The following SGCZ variants were observed in gnomAD, a reference collection of about 807,000 sequenced individuals.
SGCZ encodes the protein sarcoglycan zeta.
In SGCZ, 40 loss-of-function variants were observed where a neutral mutation model predicts 41.3. That is an observed-to-expected ratio of 0.97 (90% CI 0.75 to 1.26). SGCZ has a LOEUF of 1.26. Ranked by LOEUF, SGCZ falls within the 50% of genes most tolerant of loss-of-function variation. The pLI is 0.00. For synonymous variants in SGCZ, 206 were observed against 137.5 expected (o/e 1.50, Z -3.49); for missense variants, 552 against 369.8 (o/e 1.49, Z -4.04).
intron 1 of SGCZ, among the ~76,000 whole-genome samples, chr8:15,039,960 T>C (rs1325541675): frequency 2.6e-5 from 4 of 152,194 alleles, no homozygotes; most frequent in Non-Finnish European, 5.9e-5. Flanking sequence ...GAATTTATTA[T>C]AACTTATGCT....
intron 2 of SGCZ, among the ~76,000 whole-genome samples, chr8:14,513,000 G>A (rs912411550): frequency 2.6e-5 from 4 of 152,068 alleles, no homozygotes; most frequent in African/African-American, 4.8e-5. Flanking sequence ...GGATATATGC[G>A]GGAAAGCTGA....
chr8:14,867,863 T>A (rs925736577), intron 1 of SGCZ, among the ~76,000 whole-genome samples: 3 of 149,132 alleles, frequency 2.0e-5, no homozygotes, highest in Middle Eastern at 7.0e-3. Context: ...CAAACCCCCA[T>A]GACACAGGTT....
intron 1 of SGCZ, among the ~76,000 whole-genome samples, chr8:14,807,390 C>T (rs138769756): frequency 0.67 from 102,425 of 151,856 alleles, 36,053 homozygotes; most frequent in African/African-American, 0.88. Flanking sequence ...AGTCTCAGGA[C>T]ACAAAATCAA....
At chr8:14,538,565 T>C (rs1274096084) in intron 2 of SGCZ, among the ~76,000 whole-genome samples, 1 of 152,030 alleles carries the variant, frequency 6.6e-6, no homozygotes, top group Non-Finnish European at 1.5e-5. Flanking sequence ...ATAGCTGATA[T>C]ACTTTCTATG....
At chr8:14,102,560 A>T (rs930197729) in intron 6 of SGCZ, 61 bp from the exon 7 acceptor site, 2 of 1,275,284 alleles carry the variant, frequency 1.6e-6, no homozygotes, top group African/African-American at 3.1e-5. Context: ...CATTAATAGA[A>T]AAAAGAAAAT....
At chr8:14,218,655 C>G (rs908608500) in intron 4 of SGCZ, among the ~76,000 whole-genome samples, 3 of 152,164 alleles carry the variant, frequency 2.0e-5, no homozygotes, top group African/African-American at 7.2e-5. Context: ...TGACTTGTTA[C>G]TTGCTGTTTA....
In SGCZ at chr8:14,343,740, C is replaced by T. The variant is rs140579159; in HGVS notation, c.235-19536G>A. On this transcript the variant is annotated intron_variant, in intron 2 of 7. Coordinates refer to ENST00000382080, the MANE Select transcript of SGCZ (RefSeq NM_139167.4). The stretch of plus-strand genomic sequence containing the variant: ...TATCTGAATCACAGTGTCATGTCAT[C>T]GCCAACCTTAATTTTATTTAGTGAG... Among the ~76,000 whole-genome samples the T allele has an allele frequency of 9.9e-4, 151 of 152,168 alleles. 1 individual carries two copies. Among genetic ancestry groups the T allele is most frequent in the African/African-American group, 3.5e-3 (147 of 41,500 alleles).
At chr8:15,064,424 A>G (rs1053077455) in intron 1 of SGCZ, among the ~76,000 whole-genome samples, 3 of 152,070 alleles carry the variant, frequency 2.0e-5, no homozygotes, top group Non-Finnish European at 4.4e-5. Flanking sequence ...CAGTAGTCCC[A>G]TAGGTAGTTT....
chr8:14,122,353 A>T (rs1006705232), intron 5 of SGCZ, among the ~76,000 whole-genome samples: 1 of 152,194 alleles, frequency 6.6e-6, no homozygotes, highest in Non-Finnish European at 1.5e-5. Context: ...TTCACTGCCC[A>T]TGAGAGGGCA....
intron 1 of SGCZ, among the ~76,000 whole-genome samples, chr8:14,778,338 C>T (rs374259848): frequency 6.6e-6 from 1 of 152,142 alleles, no homozygotes; most frequent in African/African-American, 2.4e-5. Flanking sequence ...AGAGAGGACA[C>T]TGGTCACTTG....
At chr8:14,497,269 A>C (rs575340538) in intron 2 of SGCZ, among the ~76,000 whole-genome samples, 1 of 152,166 alleles carries the variant, frequency 6.6e-6, no homozygotes, top group Non-Finnish European at 1.5e-5. Context: ...CAAGGCCTGA[A>C]GCTTATAATC....
Position 15,002,066 on chromosome 8 carries a change from G to A in SGCZ, c.39+235519C>T, listed in dbSNP as rs549682332. Among the ~76,000 whole-genome samples, 396 of 152,274 alleles carry A rather than the reference G, an allele frequency of 2.6e-3. 3 individuals are homozygous for A. The highest frequency in any genetic ancestry group is 9.3e-3 in the African/African-American group (385 of 41,562). On this transcript the variant is annotated intron_variant, in intron 1 of 7. Coordinates refer to ENST00000382080, the MANE Select transcript of SGCZ (RefSeq NM_139167.4). The stretch of plus-strand genomic sequence containing the variant: ...TCCTTCTCAAAAATTGTTGCATAGA[G>A]TTGCCGTGAAAATGGCAGTCAAATG...
chr8:14,266,027 C>G (rs1191650269), intron 3 of SGCZ, among the ~76,000 whole-genome samples: 2 of 152,004 alleles, frequency 1.3e-5, no homozygotes, highest in Admixed American at 6.6e-5. Context: ...TCAAGAGGCT[C>G]TTAAGCATGC....
chr8:14,641,257 CA>C (rs915057696), intron 1 of SGCZ, among the ~76,000 whole-genome samples: 28 of 151,758 alleles, frequency 1.8e-4, no homozygotes, highest in African/African-American at 6.3e-4. Context: ...GCAAAAGCAA[CA>C]AAACACATAC....
At chr8:14,380,281 T>C (rs965539148) in intron 2 of SGCZ, among the ~76,000 whole-genome samples, 3 of 152,206 alleles carry the variant, frequency 2.0e-5, no homozygotes, top group African/African-American at 7.2e-5. Context: ...TGTTTTCCTT[T>C]CTTTCATTTC....
chr8:14,232,170 T>C (rs1318813476), intron 4 of SGCZ, among the ~76,000 whole-genome samples: 2 of 151,854 alleles, frequency 1.3e-5, no homozygotes, highest in Admixed American at 6.6e-5. Flanking sequence ...ATTTCAATTT[T>C]TAAGTGTGTA....
At chr8:14,872,065 G>C (rs529985766) in intron 1 of SGCZ, among the ~76,000 whole-genome samples, 1 of 151,712 alleles carries the variant, frequency 6.6e-6, no homozygotes, top group Non-Finnish European at 1.5e-5. Context: ...AACTAACACA[G>C]GAACAGAAAA....
rs139378593 is a variant in SGCZ at position 14,848,766 on chromosome 8, G to A, written c.40-293840C>T. 1.9e-3 allele frequency among the ~76,000 whole-genome samples: 285 copies of A among 152,166 alleles called. 2 individuals carry two copies. Among genetic ancestry groups the A allele is most frequent in the African/African-American group, 6.0e-3 (249 of 41,514 alleles). On this transcript the variant is annotated intron_variant, in intron 1 of 7. Transcript: ENST00000382080. ...TTTAAAAATCATAGAATAAAACTTCGTCACAATGGATTAGGCAAAGATTTC... is the reference window on the plus strand; with the variant it reads ...TTTAAAAATCATAGAATAAAACTTCATCACAATGGATTAGGCAAAGATTTC...
In SGCZ at chr8:14,710,094, C is replaced by T. The variant is rs140976617; in HGVS notation, c.40-155168G>A. On this transcript the variant is annotated intron_variant, in intron 1 of 7. Transcript: ENST00000382080. ...TAAGAATAAATTAATGGGCCAGGCG[C>T]GGTGGCTCACGCCTGTAATCCCAGC... 9.9e-5 allele frequency among the ~76,000 whole-genome samples: 15 copies of T among 152,084 alleles called. No individual in the cohort carries two copies. The East Asian group carries it at 2.7e-3, about 27-fold the overall frequency.
Sources: gnomAD v4.1 joint callset for allele counts (sites outside exome capture counted in the v4.1 genomes callset) on GRCh38, gnomAD v4.1.1 for gene constraint, MANE v1.5 for transcripts, NCBI Gene and HGNC (gene_info 2026-07-23, HGNC 2026-07-21) for gene names.